Variants in KCNH8 observed in about 807,000 individuals in gnomAD.
The protein encoded by KCNH8 is voltage-gated delayed rectifier potassium channel KCNH8.
In KCNH8, 70 loss-of-function variants were observed where a neutral mutation model predicts 103.6. That is an observed-to-expected ratio of 0.68 (90% CI 0.56 to 0.82). KCNH8 has a LOEUF of 0.82. Among genes scored for constraint, KCNH8 ranks in the 40% least tolerant of loss-of-function variants. The pLI, the probability that KCNH8 is intolerant of heterozygous loss-of-function variation, is 0.00. For synonymous variants in KCNH8, 498 were observed against 489.4 expected (o/e 1.02, Z -0.23); for missense variants, 1,217 against 1,329.9 (o/e 0.92, Z 1.32).
chr3:19,283,546 A>G (rs1284459532), intron 3 of KCNH8, among the ~76,000 whole-genome samples: 1 of 152,248 alleles, frequency 6.6e-6, no homozygotes, highest in East Asian at 1.9e-4. Flanking sequence ...TGAACACTCA[A>G]GAACAGTTTT....
intron 3 of KCNH8, among the ~76,000 whole-genome samples, chr3:19,309,868 G>A (rs1204850791): frequency 1.3e-5 from 2 of 151,924 alleles, no homozygotes; most frequent in African/African-American, 4.8e-5. Flanking sequence ...AGATGCAACA[G>A]GACAATTTGC....
chr3:19,371,927 T>C (rs963476238), intron 5 of KCNH8, among the ~76,000 whole-genome samples: 8 of 150,552 alleles, frequency 5.3e-5, no homozygotes, highest in Non-Finnish European at 3.0e-5. Flanking sequence ...GTTGTAGATA[T>C]GTGGCGTTAT....
At chr3:19,381,861 A>G (rs2066292934) in intron 5 of KCNH8, among the ~76,000 whole-genome samples, 1 of 152,280 alleles carries the variant, frequency 6.6e-6, no homozygotes, top group Non-Finnish European at 1.5e-5. Flanking sequence ...TGCTCCAGCA[A>G]TTGGATTAAT....
chr3:19,451,653 C>T (rs918810686), intron 10 of KCNH8, among the ~76,000 whole-genome samples: 5 of 152,134 alleles, frequency 3.3e-5, no homozygotes, highest in African/African-American at 1.2e-4. Context: ...CTTTAGTTAA[C>T]TAGCCCAGAT....
intron 15 of KCNH8, among the ~76,000 whole-genome samples, chr3:19,529,189 T>A (rs1575178443): frequency 6.6e-6 from 1 of 152,282 alleles, no homozygotes; most frequent in South Asian, 2.1e-4. Flanking sequence ...TCAAAAAGAT[T>A]GTATTTTCTA....
chr3:19,302,535 C>T (rs927071335), intron 3 of KCNH8, among the ~76,000 whole-genome samples: 1 of 152,166 alleles, frequency 6.6e-6, no homozygotes, highest in African/African-American at 2.4e-5. Flanking sequence ...AAACATTAAA[C>T]GTCCTTCTAT....
At chr3:19,285,360 T>C (rs1419189877) in intron 3 of KCNH8, among the ~76,000 whole-genome samples, 2 of 152,136 alleles carry the variant, frequency 1.3e-5, no homozygotes, top group African/African-American at 4.8e-5. Context: ...AAATTTTGGC[T>C]GTTAGTCCTT....
At chr3:19,167,289 T>A (rs1309118308) in intron 1 of KCNH8, among the ~76,000 whole-genome samples, 1 of 152,222 alleles carries the variant, frequency 6.6e-6, no homozygotes, top group African/African-American at 2.4e-5. Flanking sequence ...ATTTAAATAA[T>A]TGAAATCTCA....
chr3:19,345,463 G>A (rs2065717334), intron 4 of KCNH8, among the ~76,000 whole-genome samples: 1 of 151,996 alleles, frequency 6.6e-6, no homozygotes, highest in Admixed American at 6.6e-5. Context: ...CTCATAGGTG[G>A]AGGTTAAACA....
chr3:19,174,515 A>G (rs1173375291), intron 1 of KCNH8, among the ~76,000 whole-genome samples: 1 of 152,152 alleles, frequency 6.6e-6, no homozygotes, highest in African/African-American at 2.4e-5. Flanking sequence ...AAAAAGTTCT[A>G]ATTTGGACCT....
At chr3:19,462,136 T>C (rs192355550) in intron 11 of KCNH8, among the ~76,000 whole-genome samples, 3 of 152,340 alleles carry the variant, frequency 2.0e-5, no homozygotes, top group Admixed American at 1.3e-4. Context: ...GTATGACTTA[T>C]AATCCTTTGG....
chr3:19,298,779 G>A (rs1044795253), intron 3 of KCNH8, among the ~76,000 whole-genome samples: 2 of 151,788 alleles, frequency 1.3e-5, no homozygotes, highest in African/African-American at 2.4e-5. Flanking sequence ...AAAATTAGCC[G>A]GGCCTGGTGG....
chr3:19,267,349 T>C (rs1462722477), intron 2 of KCNH8, among the ~76,000 whole-genome samples: 1 of 152,102 alleles, frequency 6.6e-6, no homozygotes, highest in Non-Finnish European at 1.5e-5. Flanking sequence ...TATTTTACTC[T>C]ACCTAGAAAC....
At chr3:19,310,987 C>T (rs372284694) in intron 3 of KCNH8, among the ~76,000 whole-genome samples, 1 of 151,764 alleles carries the variant, frequency 6.6e-6, no homozygotes, top group East Asian at 1.9e-4. Flanking sequence ...GACTTTTGCT[C>T]TTTCATACTG....
intron 12 of KCNH8, among the ~76,000 whole-genome samples, chr3:19,511,309 A>G (rs2068779770): frequency 6.6e-6 from 1 of 152,094 alleles, no homozygotes; most frequent in African/African-American, 2.4e-5. Flanking sequence ...TATCTAAGCA[A>G]CTTGTCCAAG....
chr3:19,266,667 G>A (rs1469312372), intron 2 of KCNH8, among the ~76,000 whole-genome samples: 1 of 152,072 alleles, frequency 6.6e-6, no homozygotes, highest in Non-Finnish European at 1.5e-5. Flanking sequence ...TTTGCTGAAT[G>A]GGCGAATGAA....
intron 15 of KCNH8, among the ~76,000 whole-genome samples, chr3:19,521,058 A>G (rs1215206360): frequency 6.6e-6 from 1 of 152,020 alleles, no homozygotes; most frequent in African/African-American, 2.4e-5. Context: ...GTGCGACTCT[A>G]AGGAAACTCT....
intron 1 of KCNH8, among the ~76,000 whole-genome samples, chr3:19,168,568 T>A (rs1205842443): frequency 6.6e-6 from 1 of 152,084 alleles, no homozygotes; most frequent in Non-Finnish European, 1.5e-5. Flanking sequence ...GACTTGCAGG[T>A]CTCAAGGGCT....
chr3:19,512,332 A>G (rs1045988206), intron 12 of KCNH8, among the ~76,000 whole-genome samples: 1 of 152,032 alleles, frequency 6.6e-6, no homozygotes, highest in Non-Finnish European at 1.5e-5. Flanking sequence ...TGGCAAGACT[A>G]TTTTTCCTTC....
Sources: allele counts gnomAD v4.1 joint callset (sites outside exome capture counted in the v4.1 genomes callset), GRCh38; gene constraint gnomAD v4.1.1; transcripts MANE v1.5; gene names NCBI Gene and HGNC (gene_info 2026-07-23, HGNC 2026-07-21).